LSAMP: variants seen among roughly 807,000 people sequenced by gnomAD.
LSAMP encodes limbic system-associated membrane protein.
A neutral mutation model predicts 38.6 loss-of-function variants in LSAMP; 7 were observed. That is an observed-to-expected ratio of 0.18 (90% CI 0.10 to 0.34). The LOEUF (loss-of-function observed/expected upper bound fraction) is 0.34. Among genes scored for constraint, LSAMP ranks in the 10% least tolerant of loss-of-function variants. The pLI is 1.00. For missense variants in LSAMP, 313 were observed against 420.0 expected (o/e 0.75, Z 2.23); for synonymous variants, 154 against 166.8 (o/e 0.92, Z 0.59).
chr3:115,979,841 T>C (rs950341946), intron 3 of LSAMP, among the ~76,000 whole-genome samples: 1 of 152,168 alleles, frequency 6.6e-6, no homozygotes, highest in Non-Finnish European at 1.5e-5. Context: ...ATATAGTAGT[T>C]GTTTAATAAG....
chr3:116,188,578 G>A (rs1249857458), intron 1 of LSAMP, among the ~76,000 whole-genome samples: 1 of 151,998 alleles, frequency 6.6e-6, no homozygotes, highest in East Asian at 1.9e-4. Flanking sequence ...CTGTTTATTT[G>A]CTCTCAAGTT....
intron 1 of LSAMP, among the ~76,000 whole-genome samples, chr3:116,247,570 G>A (rs2046620552): frequency 6.6e-6 from 1 of 152,162 alleles, no homozygotes; most frequent in African/African-American, 2.4e-5. Flanking sequence ...TGAAGAAATT[G>A]TGGGAACAAA....
chr3:116,000,490 G>C (rs938134821), intron 3 of LSAMP, among the ~76,000 whole-genome samples: 1 of 152,144 alleles, frequency 6.6e-6, no homozygotes, highest in African/African-American at 2.4e-5. Flanking sequence ...CTGTGTGTTT[G>C]AGTGATCAAC....
intron 3 of LSAMP, among the ~76,000 whole-genome samples, chr3:115,950,353 T>G (rs9844922): frequency 0.85 from 129,451 of 152,042 alleles, 58,764 homozygotes; most frequent in Non-Finnish European, 1. Flanking sequence ...TCATCCAAAA[T>G]CCTCCTAGAT....
chr3:116,286,830 C>T (rs181312854), intron 1 of LSAMP, among the ~76,000 whole-genome samples: 1 of 150,696 alleles, frequency 6.6e-6, no homozygotes, highest in Non-Finnish European at 1.5e-5. Flanking sequence ...ATATTAATGT[C>T]ATTAACTTTT....
chr3:116,317,231 A>G (rs1180988301), intron 1 of LSAMP, among the ~76,000 whole-genome samples: 1 of 152,062 alleles, frequency 6.6e-6, no homozygotes, highest in African/African-American at 2.4e-5. Context: ...GGTTCGTGCC[A>G]TCTTTAAGAG....
intron 2 of LSAMP, among the ~76,000 whole-genome samples, chr3:116,071,520 G>A (rs1218334361): frequency 2.0e-5 from 3 of 152,070 alleles, no homozygotes; most frequent in Admixed American, 6.5e-5. Context: ...GAGTACATAT[G>A]ATATATTGAC....
intron 3 of LSAMP, among the ~76,000 whole-genome samples, chr3:115,948,840 A>C (rs1938190557): frequency 6.6e-6 from 1 of 152,192 alleles, no homozygotes; most frequent in Non-Finnish European, 1.5e-5. Flanking sequence ...GTAATACAAA[A>C]TATAAATGAA....
intron 3 of LSAMP, 50 bp from the exon 4 acceptor site, chr3:115,852,667 G>A: frequency 6.6e-7 from 1 of 1,521,336 alleles, no homozygotes. Flanking sequence ...GAAATAGGCA[G>A]TAGATCCTCT....
At chr3:115,896,779 G>A (rs772104387) in intron 3 of LSAMP, among the ~76,000 whole-genome samples, 19 of 152,032 alleles carry the variant, frequency 1.2e-4, no homozygotes, top group African/African-American at 2.4e-4. Context: ...CATGTGGTCC[G>A]CACATTGTTA....
At position 115,804,349 on chromosome 3, in the gene LSAMP, C is replaced by T. The variant is rs1933582265; in HGVS notation, c.*5968G>A. ...TTAGAGACGTCAGCCGAATCCCTCA[C>T]TTTCAGGATGAGAAAACCAAGACTC... is the stretch of plus-strand genomic sequence containing the variant. On this transcript the variant is annotated 3_prime_UTR_variant, in exon 7 of 7. Coordinates refer to ENST00000490035, the MANE Select transcript of LSAMP (RefSeq NM_002338.5). 1 of 152,210 alleles carries T rather than the reference C, an allele frequency of 6.6e-6. No homozygotes were observed. The highest frequency in any genetic ancestry group is 2.4e-5 in the African/African-American group (1 of 41,454). The allele number at this position is 152,210 out of a possible 1,614,324, so 9.4% of individuals were successfully genotyped here.
At chr3:116,345,908 A>G (rs984033933) in intron 1 of LSAMP, among the ~76,000 whole-genome samples, 2 of 152,182 alleles carry the variant, frequency 1.3e-5, no homozygotes, top group Non-Finnish European at 2.9e-5. Flanking sequence ...AGATAATCAT[A>G]ATAATTACAG....
At chr3:116,204,542 A>C (rs6810008) in intron 1 of LSAMP, among the ~76,000 whole-genome samples, 1 of 148,612 alleles carries the variant, frequency 6.7e-6, no homozygotes, top group Non-Finnish European at 1.5e-5. Flanking sequence ...TAGGTCTAAC[A>C]TTTAAGTCTT....
chr3:115,947,597 C>T (rs1257520058), intron 3 of LSAMP, among the ~76,000 whole-genome samples: 1 of 152,116 alleles, frequency 6.6e-6, no homozygotes, highest in East Asian at 1.9e-4. Flanking sequence ...GTAGTAACAC[C>T]AGCATGCTCA....
Position 115,842,517 on chromosome 3 carries a change from G to A in LSAMP, c.711C>T (p.Leu237=). ...CAGGCACTGCCGAGGCCTCACATTT[G>A]AGTGAAGCTTGTCGTCCTGTGGTGG... is the stretch of plus-strand genomic sequence containing the variant. ...NEATTGRQAS[L]KCEASAVPAP... Residue 237 remains leucine (L), a synonymous_variant, in exon 5 of 7, where the codon CTC becomes CTT. Coordinates refer to ENST00000490035, the MANE Select transcript of LSAMP (RefSeq NM_002338.5). 2 of 1,613,944 alleles carry A rather than the reference G, an allele frequency of 1.2e-6. No individual in the cohort carries two copies. Among genetic ancestry groups the A allele is most frequent in the Non-Finnish European group, 1.7e-6 (2 of 1,179,894 alleles).
At chr3:116,032,144 T>A (rs1940941973) in intron 2 of LSAMP, among the ~76,000 whole-genome samples, 1 of 152,062 alleles carries the variant, frequency 6.6e-6, no homozygotes, top group South Asian at 2.1e-4. Flanking sequence ...TTGTTTGCCC[T>A]TCTTTGGAGG....
At chr3:115,885,851 C>A (rs1171033308) in intron 3 of LSAMP, among the ~76,000 whole-genome samples, 2 of 151,802 alleles carry the variant, frequency 1.3e-5, no homozygotes, top group Non-Finnish European at 2.9e-5. Context: ...TGAAAAAAAA[C>A]CATTGCCCAA....
chr3:115,977,535 C>G (rs141551500), intron 3 of LSAMP, among the ~76,000 whole-genome samples: 1 of 152,268 alleles, frequency 6.6e-6, no homozygotes, highest in Non-Finnish European at 1.5e-5. Flanking sequence ...CAATTCAATT[C>G]CTTTGCTCAG....
At chr3:116,261,286 C>T (rs374784417) in intron 1 of LSAMP, among the ~76,000 whole-genome samples, 4 of 152,256 alleles carry the variant, frequency 2.6e-5, no homozygotes, top group African/African-American at 9.6e-5. Flanking sequence ...CAGCATCTTT[C>T]TGATCGTGGG....
Sources: allele counts gnomAD v4.1 joint callset (sites outside exome capture counted in the v4.1 genomes callset), GRCh38; gene constraint gnomAD v4.1.1; transcripts MANE v1.5; gene names NCBI Gene and HGNC (gene_info 2026-07-23, HGNC 2026-07-21).